OR5A1: variants seen among roughly 807,000 people sequenced by gnomAD.
OR5A1 encodes olfactory receptor 5A1.
Under a neutral mutation model 6.7 loss-of-function variants are expected in OR5A1, and 6 were observed. That is an observed-to-expected ratio of 0.89 (90% CI 0.49 to 1.76). The LOEUF is 1.76. OR5A1 is among the 40% of genes most tolerant of loss of function. OR5A1 has a pLI of 0.01. For synonymous variants in OR5A1, 170 were observed against 155.0 expected (o/e 1.10, Z -0.72); for missense variants, 378 against 381.7 (o/e 0.99, Z 0.08).
rs149180785 is a variant in OR5A1 at position 59,442,271 on chromosome 11, C to T, written c.-33-865C>T. 1.6e-4 allele frequency among the ~76,000 whole-genome samples: 24 copies of T among 152,156 alleles called. No homozygotes were observed. In the East Asian group the frequency reaches 2.3e-3, roughly 15 times the overall value. ...CAGCCTGACCAACATGGAGAAACTC[C>T]GTCTCTACTTAAAATACAAAATTAG... is the stretch of plus-strand genomic sequence containing the variant. On this transcript the variant is annotated intron_variant, in intron 1 of 1. Transcript: ENST00000641045.
chr11:59,437,238 G>A (rs528233912), intron 1 of OR5A1, among the ~76,000 whole-genome samples: 1 of 152,108 alleles, frequency 6.6e-6, no homozygotes, highest in Non-Finnish European at 1.5e-5. Flanking sequence ...TGTATTCCGT[G>A]GGTTTGGGCA....
In OR5A1 at chr11:59,447,593, A is replaced by C. The variant is rs992114259; in HGVS notation, c.*3477A>C. The C allele has an allele frequency of 8.5e-5, 13 of 152,226 alleles. No homozygotes were observed. The highest frequency in any genetic ancestry group is 1.2e-4 in the African/African-American group (5 of 41,456). 9.4% of individuals were successfully genotyped at this position (152,226 alleles called of 1,614,324 possible). ...GAATATGAGAAGGAGAGATTGTCTG[A>C]TCCTCACCCCTATTTGGTTGCAGTT... On this transcript the variant is annotated 3_prime_UTR_variant, in exon 2 of 2. Transcript: ENST00000641045.
rs868295170 is a variant in OR5A1 at position 59,448,762 on chromosome 11, T to C, written c.*4646T>C. The C allele has an allele frequency of 6.6e-6, 1 of 152,152 alleles. No homozygotes were observed. The allele number at this position is 152,152 out of a possible 1,614,324, so 9.4% of individuals were successfully genotyped here. ...TCTCAGCATCTAGAACTGCCTGATA[T>C]ACAAAACGCAATAAATATGCATTTT... On this transcript the variant is annotated 3_prime_UTR_variant, in exon 2 of 2. Coordinates refer to ENST00000641045, the MANE Select transcript of OR5A1 (RefSeq NM_001004728.2).
At chr11:59,441,692 C>T (rs1858481601) in intron 1 of OR5A1, among the ~76,000 whole-genome samples, 1 of 152,136 alleles carries the variant, frequency 6.6e-6, no homozygotes. Context: ...AATGGGAGTC[C>T]TTACTGGTGT....
At chr11:59,440,597 C>A (rs142499665) in intron 1 of OR5A1, among the ~76,000 whole-genome samples, 93 of 152,298 alleles carry the variant, frequency 6.1e-4, no homozygotes, top group African/African-American at 2.2e-3. Context: ...CCTCAGGTTT[C>A]TACCTTGCCA....
chr11:59,443,566 T>C lies in OR5A1; in HGVS notation c.398T>C (p.Leu133Pro). 6.2e-7 allele frequency: 1 copy of C among 1,614,080 alleles called. No individual in the cohort carries two copies. ...CGATATGCAGCCATCTCCAGCCCCC[T>C]TCTCTACCCCACTATCATGACCCAG... ...YDRYAAISSP[L>P]LYPTIMTQGL... The change falls in exon 2 of 2, where the codon CTT (leucine) becomes CCT (proline). Residue 133 changes from leucine to proline, a missense_variant. Transcript: ENST00000641045.
Position 59,442,086 on chromosome 11 carries a change from G to A in OR5A1, c.-33-1050G>A, listed in dbSNP as rs150054272. ...GAGTTCAAGTGACCTGGTCAACATC[G>A]CACATCTACTAAGTGAAGCTGAGAA... On this transcript the variant is annotated intron_variant, in intron 1 of 1. Coordinates refer to ENST00000641045, the MANE Select transcript of OR5A1 (RefSeq NM_001004728.2). 3.4e-4 allele frequency among the ~76,000 whole-genome samples: 51 copies of A among 152,164 alleles called. No individual in the cohort carries two copies. In the East Asian group the frequency reaches 6.6e-3, roughly 20 times the overall value.
At chr11:59,440,554 G>A (rs192647317) in intron 1 of OR5A1, among the ~76,000 whole-genome samples, 160 of 152,204 alleles carry the variant, frequency 1.1e-3, no homozygotes, top group Non-Finnish European at 1.8e-3. Flanking sequence ...ACCTGAATGG[G>A]TGCCCCCAGA....
Position 59,444,125 on chromosome 11 carries a change from T to C in OR5A1, c.*9T>C. ...AGAAAGTGTTTTCTTAGGTCATGCG[T>C]AGAAACTTATTTATCCAAACTGCTG... On this transcript the variant is annotated 3_prime_UTR_variant, in exon 2 of 2. Transcript: ENST00000641045. 1 of 1,570,212 alleles carries C rather than the reference T, an allele frequency of 6.4e-7. No individual in the cohort carries two copies. The highest frequency in any genetic ancestry group is 8.7e-7 in the Non-Finnish European group (1 of 1,143,368).
In OR5A1 at chr11:59,443,477, G is replaced by GT. The variant is rs755323345; in HGVS notation, c.317dup (p.Phe107LeufsTer8). The GT allele has an allele frequency of 1.1e-5, 17 of 1,613,756 alleles. No homozygotes were observed. The highest frequency in any genetic ancestry group is 5.5e-5 in the South Asian group (5 of 91,060). ...TATCATTTGTGGGCTGTGCTGCTCA[G>GT]TTTTTTTTCTTTGTCGGCATGGGTC... On this transcript the variant is annotated frameshift_variant, in exon 2 of 2. Coordinates refer to ENST00000641045, the MANE Select transcript of OR5A1 (RefSeq NM_001004728.2). LOFTEE classifies it high-confidence loss of function.
At position 59,445,633 on chromosome 11, in the gene OR5A1, A is replaced by G. The variant is rs1041205832; in HGVS notation, c.*1517A>G. The G allele has an allele frequency of 2.0e-5, 3 of 152,186 alleles. No homozygotes were observed. Among genetic ancestry groups the G allele is most frequent in the Admixed American group, 2.0e-4 (3 of 15,276 alleles). The allele number at this position is 152,186 out of a possible 1,614,324, so 9.4% of individuals were successfully genotyped here. A position where few individuals can be genotyped will look rare whatever the true frequency, so the allele number is the denominator to read the frequency against. The stretch of plus-strand genomic sequence containing the variant: ...TAATTTACATTCCCACCAACAGTAT[A>G]AAAGTGTTCCTATTTCTCCACAGCC... On this transcript the variant is annotated 3_prime_UTR_variant, in exon 2 of 2. Coordinates refer to ENST00000641045, the MANE Select transcript of OR5A1 (RefSeq NM_001004728.2).
In OR5A1 at chr11:59,450,610, A is replaced by G. The variant is rs1246786848; in HGVS notation, c.*6494A>G. The G allele has an allele frequency of 6.6e-6, 1 of 152,216 alleles. No individual in the cohort carries two copies. Among genetic ancestry groups the G allele is most frequent in the Non-Finnish European group, 1.5e-5 (1 of 68,042 alleles). The allele number at this position is 152,216 out of a possible 1,614,324, so 9.4% of individuals were successfully genotyped here. A position where few individuals can be genotyped will look rare whatever the true frequency, so the allele number is the denominator to read the frequency against. Reference sequence around the variant, plus strand: ...TGATTTTCATAATCAGAAGCCATTTAAAATCATTTTTTTAATTAGACACAA... The same window carrying G: ...TGATTTTCATAATCAGAAGCCATTTGAAATCATTTTTTTAATTAGACACAA... On this transcript the variant is annotated 3_prime_UTR_variant, in exon 2 of 2. Coordinates refer to ENST00000641045, the MANE Select transcript of OR5A1 (RefSeq NM_001004728.2).
At chr11:59,442,466 T>G (rs925864657) in intron 1 of OR5A1, among the ~76,000 whole-genome samples, 3 of 151,670 alleles carry the variant, frequency 2.0e-5, no homozygotes, top group South Asian at 2.1e-4. Flanking sequence ...AAATAAGAAA[T>G]AAATAAATAA....
chr11:59,442,532 T>C (rs1218369290), intron 1 of OR5A1, among the ~76,000 whole-genome samples: 1 of 152,232 alleles, frequency 6.6e-6, no homozygotes, highest in Non-Finnish European at 1.5e-5. Flanking sequence ...TCAACCTACA[T>C]TAGTATATTT....
rs1463396272 is a variant in OR5A1 at position 59,443,836 on chromosome 11, A to G, written c.668A>G (p.Tyr223Cys). 1 of 1,613,916 alleles carries G rather than the reference A, an allele frequency of 6.2e-7. No individual in the cohort carries two copies. Among genetic ancestry groups the G allele is most frequent in the African/African-American group, 1.3e-5 (1 of 74,858 alleles). Residue 223 changes from tyrosine to cysteine, a missense_variant, in exon 2 of 2, where the codon TAC becomes TGC. Tyr to Cys is a radical substitution (Grantham distance 194, BLOSUM62 -2). Transcript: ENST00000641045. ...SFLQLLISYG[Y>C]IVSAVLKIPS... The stretch of plus-strand genomic sequence containing the variant: ...CTCCAACTCCTTATCTCCTATGGTT[A>G]CATAGTGTCTGCGGTCCTGAAGATC...
intron 1 of OR5A1, among the ~76,000 whole-genome samples, chr11:59,440,841 G>A (rs1473305819): frequency 1.3e-5 from 2 of 152,250 alleles, no homozygotes; most frequent in Admixed American, 6.5e-5. Context: ...AAGTCATACC[G>A]ACAATAGCGT....
intron 1 of OR5A1, among the ~76,000 whole-genome samples, chr11:59,438,230 G>A (rs963610954): frequency 4.6e-5 from 7 of 152,050 alleles, no homozygotes; most frequent in African/African-American, 1.7e-4. Context: ...CTGAAAAACG[G>A]CCTAATACAC....
In OR5A1 at chr11:59,450,342, A is replaced by G. The variant is rs993541621; in HGVS notation, c.*6226A>G. On this transcript the variant is annotated 3_prime_UTR_variant, in exon 2 of 2. Transcript: ENST00000641045. Reference sequence around the variant, plus strand: ...GTAAGTAGATTTGACCTCAGTTCCCAGAGACCTGAGTTGGCTGATTCCAGG... The same window carrying G: ...GTAAGTAGATTTGACCTCAGTTCCCGGAGACCTGAGTTGGCTGATTCCAGG... 6.6e-6 allele frequency: 1 copy of G among 152,210 alleles called. No homozygotes were observed. The highest frequency in any genetic ancestry group is 1.5e-5 in the Non-Finnish European group (1 of 68,044). The allele number at this position is 152,210 out of a possible 1,614,324, so 9.4% of individuals were successfully genotyped here.
Position 59,441,879 on chromosome 11 carries a change from G to C in OR5A1, c.-33-1257G>C, listed in dbSNP as rs184759681. ...GATCTAAGAAGATTAGATGATACAT[G>C]ATGATGATGATAGATGGTAGATAGA... On this transcript the variant is annotated intron_variant, in intron 1 of 1. Transcript: ENST00000641045. 6.7e-4 allele frequency among the ~76,000 whole-genome samples: 102 copies of C among 151,998 alleles called. 3 individuals carry two copies. In the East Asian group the frequency reaches 0.018, roughly 26 times the overall value.
Sources: gnomAD v4.1 joint callset for allele counts (sites outside exome capture counted in the v4.1 genomes callset) on GRCh38, gnomAD v4.1.1 for gene constraint, MANE v1.5 for transcripts, NCBI Gene and HGNC (gene_info 2026-07-23, HGNC 2026-07-21) for gene names.